The following JADE2 variants were observed in gnomAD, a reference collection of about 807,000 sequenced individuals.
JADE2 encodes the protein E3 ubiquitin-protein ligase Jade-2.
Under a neutral mutation model 85.7 loss-of-function variants are expected in JADE2, and 13 were observed. The observed-to-expected ratio is 0.15, with a 90% confidence interval of 0.10 to 0.24. The LOEUF (loss-of-function observed/expected upper bound fraction) is 0.24. JADE2 is among the 10% of genes least tolerant of loss of function. The pLI, the probability that JADE2 is intolerant of heterozygous loss-of-function variation, is 1.00. For missense variants in JADE2, 846 were observed against 1,115.9 expected, an observed-to-expected ratio of 0.76 and a Z score of 3.45; for synonymous variants, 440 against 456.1, an observed-to-expected ratio of 0.96 and a Z score of 0.45.
intron 9 of JADE2, among the ~76,000 whole-genome samples, chr5:134,571,067 G>A (rs988118109): frequency 3.3e-5 from 5 of 152,194 alleles, no homozygotes; most frequent in South Asian, 2.1e-4. Context: ...GAGGCTCTGC[G>A]GGGGAGTCTC....
chr5:134,576,391 G>A (rs140301323), intron 10 of JADE2, among the ~76,000 whole-genome samples: 281 of 152,284 alleles, frequency 1.8e-3, no homozygotes, highest in African/African-American at 6.2e-3. Flanking sequence ...TGACCCCTCA[G>A]GTAGTGTTCC....
At chr5:134,528,003 A>G (rs1760979390) in intron 1 of JADE2, among the ~76,000 whole-genome samples, 1 of 152,040 alleles carries the variant, frequency 6.6e-6, no homozygotes. Context: ...GGGGTCATCG[A>G]GAGGTGTCAT....
chr5:134,573,814 G>C, intron 10 of JADE2, 52 bp downstream of exon 10: 1 of 1,150,282 alleles, frequency 8.7e-7, no homozygotes, highest in East Asian at 2.3e-5. Flanking sequence ...CTCTCTTGCG[G>C]GGCTGGGTCC....
chr5:134,571,135 G>A (rs553247889), intron 9 of JADE2, among the ~76,000 whole-genome samples: 6 of 152,252 alleles, frequency 3.9e-5, no homozygotes, highest in Non-Finnish European at 5.9e-5. Context: ...TTGGCCTGCG[G>A]ACATCTGTCT....
intron 8 of JADE2, 143 bp from the exon 9 acceptor site, chr5:134,565,973 A>G: frequency 1.5e-6 from 1 of 687,822 alleles, no homozygotes; most frequent in Non-Finnish European, 2.5e-6. Flanking sequence ...CATCCTGCAC[A>G]GGAGGTTGGG....
At position 134,573,643 on chromosome 5, in the gene JADE2, A is replaced by G; in HGVS notation, c.1435-2A>G. The G allele has an allele frequency of 6.2e-7, 1 of 1,607,580 alleles. No homozygotes were observed. The highest frequency in any genetic ancestry group is 8.5e-7 in the Non-Finnish European group (1 of 1,174,070). On this transcript the variant is annotated splice_acceptor_variant, in intron 9 of 11. Transcript: ENST00000681547. LOFTEE classifies it high-confidence loss of function. ...GGTGGAAAATCTCTCTTGTTTTCTC[A>G]GGTTAGAAATCTGTGCTACATGGTG...
rs747443088 is a variant in JADE2, at chr5:134,578,551, A to G, written c.1739A>G (p.Gln580Arg). Residue 580 changes from glutamine (Q) to arginine (R), a missense_variant, in exon 12 of 12, where the codon CAG becomes CGG. Transcript: ENST00000681547. This position sits in a 1 kb window ranked among gnomAD's most constrained non-coding sequence, Gnocchi z 4.4. Reference protein sequence around the residue: ...DGTFFNSWLAQSVQITAENMA... With the variant: ...DGTFFNSWLARSVQITAENMA... The stretch of plus-strand genomic sequence containing the variant: ...ACCTTCTTCAACAGCTGGCTGGCAC[A>G]GTCGGTGCAGATCACAGCAGAGAAC... 9 of 1,608,446 alleles carry G rather than the reference A, an allele frequency of 5.6e-6. No individual in the cohort carries two copies. The highest frequency in any genetic ancestry group is 1.3e-5 in the African/African-American group (1 of 74,814).
In JADE2 at chr5:134,582,345, A is replaced by C. The variant is rs1364748210; in HGVS notation, c.*3028A>C. On this transcript the variant is annotated 3_prime_UTR_variant, in exon 12 of 12. Coordinates refer to ENST00000681547, the MANE Select transcript of JADE2 (RefSeq NM_001388185.1). ...GAGAAGCCACCCCAGGTTTCCAGAC[A>C]TAGATGTTGAATTGTTTGTGGGGGG... is the stretch of plus-strand genomic sequence containing the variant. The C allele has an allele frequency of 6.6e-6, 1 of 152,222 alleles. No individual in the cohort carries two copies. The highest frequency in any genetic ancestry group is 2.1e-4 in the South Asian group (1 of 4,836). 9.4% of individuals were successfully genotyped at this position (152,222 alleles called of 1,614,324 possible). A position where few individuals can be genotyped will look rare whatever the true frequency, so the allele number is the denominator to read the frequency against.
intron 3 of JADE2, among the ~76,000 whole-genome samples, chr5:134,545,281 T>C (rs1180408693): frequency 6.6e-6 from 1 of 152,154 alleles, no homozygotes; most frequent in Non-Finnish European, 1.5e-5. Context: ...ACGTTGCTGC[T>C]CCGCCAGCTG....
chr5:134,572,865 C>T (rs1279620471), intron 9 of JADE2, among the ~76,000 whole-genome samples: 1 of 152,234 alleles, frequency 6.6e-6, no homozygotes, highest in Non-Finnish European at 1.5e-5. Flanking sequence ...GTGTCTAAGG[C>T]CCCAAGGGGC....
chr5:134,570,767 A>G (rs75234871), intron 9 of JADE2, among the ~76,000 whole-genome samples: 2,417 of 151,924 alleles, frequency 0.016, 64 homozygotes, highest in African/African-American at 0.053. Context: ...CTTGGCCTCA[A>G]TGGTCATCCA....
rs1764562717 is a variant in JADE2 at position 134,579,047 on chromosome 5, C to A, written c.2235C>A (p.Ser745Arg). ...SDVQVPGPAA[S>R]PKPLGRLRPP... ...TCCAAGTGCCTGGCCCTGCAGCAAG[C>A]CCTAAGCCTTTGGGCCGGCTCCGGC... The change falls in exon 12 of 12, where the codon AGC becomes AGA. Residue 745 changes from serine to arginine, a missense_variant. Coordinates refer to ENST00000681547, the MANE Select transcript of JADE2 (RefSeq NM_001388185.1). This position sits in a 1 kb window ranked among gnomAD's most constrained non-coding sequence, Gnocchi z 4.6. The A allele has an allele frequency of 1.9e-6, 3 of 1,614,016 alleles. No individual in the cohort carries two copies. The highest frequency in any genetic ancestry group is 2.5e-6 in the Non-Finnish European group (3 of 1,180,006).
intron 9 of JADE2, among the ~76,000 whole-genome samples, chr5:134,571,059 G>A (rs1763970953): frequency 6.6e-6 from 1 of 152,238 alleles, no homozygotes; most frequent in Admixed American, 6.5e-5. Flanking sequence ...TCCTGCCGGA[G>A]GCTCTGCGGG....
chr5:134,559,647 C>T (rs1763202154), intron 4 of JADE2, among the ~76,000 whole-genome samples, 183 bp from the exon 5 acceptor site: 1 of 152,212 alleles, frequency 6.6e-6, no homozygotes, highest in South Asian at 2.1e-4. Flanking sequence ...TCATCTGAGT[C>T]TCTGCAGGGT....
At position 134,579,556 on chromosome 5, in the gene JADE2, C is replaced by T. The variant is rs1214155541; in HGVS notation, c.*239C>T. Reference sequence around the variant, plus strand: ...CGGCCGCTAGGACCCTGCCAGGTCCCGCGCACCATCCCTGCCCTGCCCACG... The same window carrying T: ...CGGCCGCTAGGACCCTGCCAGGTCCTGCGCACCATCCCTGCCCTGCCCACG... On this transcript the variant is annotated 3_prime_UTR_variant, in exon 12 of 12. Coordinates refer to ENST00000681547, the MANE Select transcript of JADE2 (RefSeq NM_001388185.1). This position sits in a 1 kb window ranked among gnomAD's most constrained non-coding sequence, Gnocchi z 4.6. The T allele has an allele frequency of 5.0e-5, 26 of 523,944 alleles. No homozygotes were observed. The highest frequency in any genetic ancestry group is 3.0e-4 in the East Asian group (10 of 33,322). 32.5% of individuals were successfully genotyped at this position (523,944 alleles called of 1,614,324 possible).
In JADE2 at chr5:134,580,925, C is replaced by T. The variant is rs1021343062; in HGVS notation, c.*1608C>T. 2 of 152,580 alleles carry T rather than the reference C, an allele frequency of 1.3e-5. No individual in the cohort carries two copies. The highest frequency in any genetic ancestry group is 4.8e-5 in the African/African-American group (2 of 41,426). The allele number at this position is 152,580 out of a possible 1,614,324, so 9.5% of individuals were successfully genotyped here. On this transcript the variant is annotated 3_prime_UTR_variant, in exon 12 of 12. Coordinates refer to ENST00000681547, the MANE Select transcript of JADE2 (RefSeq NM_001388185.1). The stretch of plus-strand genomic sequence containing the variant: ...GTGAGCTTTCCTAAACTGTGAGACT[C>T]ACAGAGGGGAAAGATACTGACGGTG...
At chr5:134,530,150 C>T (rs1224576524) in intron 1 of JADE2, among the ~76,000 whole-genome samples, 1 of 152,104 alleles carries the variant, frequency 6.6e-6, no homozygotes, top group Non-Finnish European at 1.5e-5. Flanking sequence ...AAGAGTGGGG[C>T]TGTGACCCCG....
At chr5:134,565,293 A>G (rs919917945) in intron 8 of JADE2, among the ~76,000 whole-genome samples, 1 of 152,234 alleles carries the variant, frequency 6.6e-6, no homozygotes, top group African/African-American at 2.4e-5. Context: ...CGGACCTTCA[A>G]AAGGATTTGT....
At chr5:134,548,925 C>T (rs2149923237) in intron 3 of JADE2, among the ~76,000 whole-genome samples, 1 of 152,336 alleles carries the variant, frequency 6.6e-6, no homozygotes, top group South Asian at 2.1e-4. Context: ...TGAGGTATCT[C>T]ATCCTGCTTA....
Sources: allele counts gnomAD v4.1 joint callset (sites outside exome capture counted in the v4.1 genomes callset), GRCh38; gene constraint gnomAD v4.1.1; non-coding constraint Gnocchi (gnomAD v3.1); transcripts MANE v1.5; gene names NCBI Gene and HGNC (gene_info 2026-07-23, HGNC 2026-07-21).